QRFPR: variants seen among roughly 807,000 people sequenced by gnomAD.
QRFPR encodes pyroglutamylated RF-amide peptide receptor.
In QRFPR, 37 loss-of-function variants were observed where a neutral mutation model predicts 31.3. That is an observed-to-expected ratio of 1.18 (90% CI 0.91 to 1.56). The LOEUF is 1.56. Among genes scored for constraint, QRFPR ranks in the 40% most tolerant of loss-of-function variants. The probability of loss-of-function intolerance (pLI) is 0.00; values close to 1 mark genes in which losing one functional copy is unlikely to be tolerated. For missense variants in QRFPR, 542 were observed against 532.5 expected (o/e 1.02, Z -0.18); for synonymous variants, 197 against 192.0 (o/e 1.03, Z -0.22).
intron 1 of QRFPR, among the ~76,000 whole-genome samples, chr4:121,365,536 T>A (rs1294873428): frequency 0.6 from 14,824 of 24,860 alleles, 4,054 homozygotes; most frequent in South Asian, 0.68. Context: ...TTATATATAA[T>A]ATATATTATA....
chr4:121,375,700 T>C (rs1407758801), intron 1 of QRFPR, among the ~76,000 whole-genome samples: 1 of 152,062 alleles, frequency 6.6e-6, no homozygotes, highest in Non-Finnish European at 1.5e-5. Context: ...ATGCAGAAAT[T>C]GATGATGAAA....
chr4:121,370,345 T>C (rs1389485108), intron 1 of QRFPR: 1 of 753,396 alleles, frequency 1.3e-6, no homozygotes, highest in Non-Finnish European at 2.5e-6. Context: ...CTTGAAGCCA[T>C]TGAAAGGCTG....
At chr4:121,379,936 G>A (rs1379198070) in intron 1 of QRFPR, among the ~76,000 whole-genome samples, 2 of 151,944 alleles carry the variant, frequency 1.3e-5, no homozygotes, top group African/African-American at 4.8e-5. Context: ...TGGTAATGAC[G>A]GGAAAGGGAG....
Position 121,328,800 on chromosome 4 carries a change from G to A in QRFPR, c.*514C>T, listed in dbSNP as rs992942830. Reference sequence around the variant, plus strand: ...ACGGGGAGTCTCGCTCTTTCGCCCAGGCTGGAGTGCAGTGGCATGATCTCG... The same window carrying A: ...ACGGGGAGTCTCGCTCTTTCGCCCAAGCTGGAGTGCAGTGGCATGATCTCG... On this transcript the variant is annotated 3_prime_UTR_variant, in exon 6 of 6. Transcript: ENST00000394427. Among the ~76,000 whole-genome samples the A allele has an allele frequency of 1.3e-5, 2 of 152,134 alleles. No individual in the cohort carries two copies. Among genetic ancestry groups the A allele is most frequent in the African/African-American group, 2.4e-5 (1 of 41,414 alleles).
chr4:121,375,818 CAA>C (rs1384616172), intron 1 of QRFPR, among the ~76,000 whole-genome samples: 13 of 152,026 alleles, frequency 8.6e-5, no homozygotes, highest in Admixed American at 2.0e-4. Flanking sequence ...ATAAAGGAAA[CAA>C]AGAGGCAAAA....
At chr4:121,372,541 A>T (rs1726269733) in intron 1 of QRFPR, among the ~76,000 whole-genome samples, 1 of 152,114 alleles carries the variant, frequency 6.6e-6, no homozygotes. Context: ...CTTTTTCATA[A>T]CCCCAAACAG....
At chr4:121,359,191 A>G (rs1361344143) in intron 1 of QRFPR, among the ~76,000 whole-genome samples, 1 of 152,200 alleles carries the variant, frequency 6.6e-6, no homozygotes, top group Admixed American at 6.5e-5. Context: ...ATTACCTGCC[A>G]GATTAATAGA....
At chr4:121,369,146 A>G (rs916649215) in intron 1 of QRFPR, among the ~76,000 whole-genome samples, 13 of 152,150 alleles carry the variant, frequency 8.5e-5, no homozygotes, top group African/African-American at 2.9e-4. Flanking sequence ...CTCCTGCCTC[A>G]GCCTCCCAAG....
At chr4:121,371,669 C>A (rs951104933) in intron 1 of QRFPR, among the ~76,000 whole-genome samples, 1 of 152,142 alleles carries the variant, frequency 6.6e-6, no homozygotes, top group Non-Finnish European at 1.5e-5. Flanking sequence ...GACATATGAT[C>A]GGGGAGCTTT....
rs1726453077 is a variant in QRFPR, at chr4:121,380,200, AG to A, written c.340+107del. 18 of 169,952 alleles carry A rather than the reference AG, an allele frequency of 1.1e-4. No individual in the cohort carries two copies. The African/African-American group carries it at 1.3e-3, about 13-fold the overall frequency. 10.5% of individuals were successfully genotyped at this position (169,952 alleles called of 1,614,324 possible). A position where few individuals can be genotyped will look rare whatever the true frequency, so the allele number is the denominator to read the frequency against. On this transcript the variant is annotated intron_variant, in intron 1 of 5. Transcript: ENST00000394427. ...CAGACGAGAGAGGAGAGAGAGAGAGAGAGAGAGAGAGAGAGAGAGAGAGAGA... is the reference window on the plus strand; with the variant it reads ...CAGACGAGAGAGGAGAGAGAGAGAGAAGAGAGAGAGAGAGAGAGAGAGAGA...
chr4:121,350,304 A>T (rs1725738676), intron 1 of QRFPR, among the ~76,000 whole-genome samples: 1 of 152,180 alleles, frequency 6.6e-6, no homozygotes, highest in Non-Finnish European at 1.5e-5. Context: ...CAGTCCACCA[A>T]GTTCAAGGAT....
intron 1 of QRFPR, among the ~76,000 whole-genome samples, chr4:121,348,097 A>G (rs1169586113): frequency 6.6e-6 from 1 of 152,126 alleles, no homozygotes; most frequent in Non-Finnish European, 1.5e-5. Flanking sequence ...AGTAGTTTAG[A>G]GTATAGGCTC....
intron 1 of QRFPR, among the ~76,000 whole-genome samples, chr4:121,379,712 A>G (rs1317536474): frequency 6.6e-6 from 1 of 152,098 alleles, no homozygotes. Context: ...CCTGCATGAC[A>G]CTTAATACAG....
At chr4:121,352,150 T>C (rs1321310656) in intron 1 of QRFPR, among the ~76,000 whole-genome samples, 2 of 152,130 alleles carry the variant, frequency 1.3e-5, no homozygotes, top group Non-Finnish European at 1.5e-5. Context: ...ATACATTCAT[T>C]AGAATGTTTT....
rs1458650411 is a variant in QRFPR at position 121,340,531 on chromosome 4, A to G, written c.420T>C (p.Ala140=). 2 of 1,614,142 alleles carry G rather than the reference A, an allele frequency of 1.2e-6. No homozygotes were observed. The highest frequency in any genetic ancestry group is 1.7e-6 in the Non-Finnish European group (2 of 1,180,000). ...VTEILTMTCI[A]VERHQGLVHP... ...GCACAAGTCCCTGGTGCCTTTCCACAGCAATGCAGGTCATAGTGAGGATTT... is the reference window on the plus strand; with the variant it reads ...GCACAAGTCCCTGGTGCCTTTCCACGGCAATGCAGGTCATAGTGAGGATTT... Residue 140 remains alanine, a synonymous_variant, in exon 2 of 6, where the codon GCT becomes GCC. Coordinates refer to ENST00000394427, the MANE Select transcript of QRFPR (RefSeq NM_198179.3).
At chr4:121,375,921 C>G (rs1306076939) in intron 1 of QRFPR, among the ~76,000 whole-genome samples, 1 of 152,076 alleles carries the variant, frequency 6.6e-6, no homozygotes, top group African/African-American at 2.4e-5. Context: ...CTGGAAGAAA[C>G]AGAACATGTT....
At chr4:121,376,021 G>A (rs964237980) in intron 1 of QRFPR, among the ~76,000 whole-genome samples, 1 of 152,164 alleles carries the variant, frequency 6.6e-6, no homozygotes, top group African/African-American at 2.4e-5. Context: ...GGAACAGGCT[G>A]CAGATAAGGA....
At chr4:121,380,237 G>GAAAGGC in intron 1 of QRFPR, 71 bp downstream of exon 1, 1 of 1,037,602 alleles carries the variant, frequency 9.6e-7, no homozygotes, top group Non-Finnish European at 1.4e-6. Context: ...GAGAGAGAGA[G>GAAAGGC]AGAGAGAGAG....
intron 1 of QRFPR, among the ~76,000 whole-genome samples, chr4:121,362,584 G>T (rs1284779028): frequency 6.7e-6 from 1 of 150,202 alleles, no homozygotes; most frequent in African/African-American, 2.5e-5. Flanking sequence ...TTATTTTAAA[G>T]CTACGTTAAT....
Sources: allele counts gnomAD v4.1 joint callset (sites outside exome capture counted in the v4.1 genomes callset), GRCh38; gene constraint gnomAD v4.1.1; transcripts MANE v1.5; gene names NCBI Gene and HGNC (gene_info 2026-07-23, HGNC 2026-07-21).